The following MCC variants were observed in gnomAD, a reference collection of about 807,000 sequenced individuals.
MCC encodes MCC regulator of Wnt signaling pathway, also known as colorectal mutant cancer protein.
In MCC, 90 loss-of-function variants were observed where a neutral mutation model predicts 116.2. The ratio of observed to expected loss-of-function variants is 0.77; its 90% CI spans 0.65 to 0.92. The LOEUF (loss-of-function observed/expected upper bound fraction) is 0.92, where lower values mean the gene tolerates loss of function less well. Among genes scored for constraint, MCC ranks in the 40% least tolerant of loss-of-function variants. MCC has a pLI of 0.00. For missense variants in MCC, 1,516 were observed against 1,312.2 expected (o/e 1.16, Z -2.40); for synonymous variants, 578 against 510.5 (o/e 1.13, Z -1.78).
At chr5:113,033,524 C>T (rs915000071) in intron 17 of MCC, among the ~76,000 whole-genome samples, 2 of 152,164 alleles carry the variant, frequency 1.3e-5, no homozygotes, top group South Asian at 2.1e-4. Context: ...CTTAGCCTTT[C>T]GTTAAGATTT....
intron 1 of MCC, among the ~76,000 whole-genome samples, chr5:113,469,501 G>T (rs1772016777): frequency 6.6e-6 from 1 of 152,196 alleles, no homozygotes; most frequent in South Asian, 2.1e-4. Flanking sequence ...TTTTGAGTGA[G>T]TTTCTCAATC....
intron 6 of MCC, among the ~76,000 whole-genome samples, chr5:113,119,072 G>C (rs1023551622): frequency 6.6e-6 from 1 of 152,210 alleles, no homozygotes; most frequent in African/African-American, 2.4e-5. Flanking sequence ...CTGTGGACCT[G>C]TCTGCATCCT....
chr5:113,480,509 T>C (rs1208449766), intron 1 of MCC, among the ~76,000 whole-genome samples: 1 of 152,226 alleles, frequency 6.6e-6, no homozygotes, highest in Admixed American at 6.5e-5. Flanking sequence ...CCTTCTAAAA[T>C]GGACTAAATA....
intron 14 of MCC, among the ~76,000 whole-genome samples, chr5:113,062,827 G>C (rs936819817): frequency 2.0e-5 from 3 of 152,232 alleles, no homozygotes; most frequent in African/African-American, 7.2e-5. Flanking sequence ...GTAAATGGAA[G>C]CGCTAAGGTA....
intron 2 of MCC, among the ~76,000 whole-genome samples, chr5:113,347,381 C>T (rs1029569981): frequency 8.7e-5 from 13 of 150,052 alleles, no homozygotes; most frequent in South Asian, 2.1e-4. Context: ...GTTTTCTTTT[C>T]GTGTTTTTTT....
At chr5:113,287,553 T>C (rs4705811) in intron 3 of MCC, among the ~76,000 whole-genome samples, 22,624 of 152,048 alleles carry the variant, frequency 0.15, 2,442 homozygotes, top group Admixed American at 0.28. Context: ...TCTTGAACTC[T>C]CGACCTCATG....
intron 2 of MCC, among the ~76,000 whole-genome samples, chr5:113,342,407 C>G (rs893220445): frequency 6.6e-6 from 1 of 152,154 alleles, no homozygotes; most frequent in Non-Finnish European, 1.5e-5. Context: ...CTTTAAGGAA[C>G]TTCCATTGTT....
At chr5:113,359,969 A>T (rs1561537394) in intron 2 of MCC, among the ~76,000 whole-genome samples, 1 of 152,192 alleles carries the variant, frequency 6.6e-6, no homozygotes, top group Non-Finnish European at 1.5e-5. Flanking sequence ...AAGGCATATT[A>T]ATGGAAGCCA....
chr5:113,185,254 T>C (rs113836302), intron 3 of MCC, among the ~76,000 whole-genome samples: 157 of 151,470 alleles, frequency 1.0e-3, no homozygotes, highest in African/African-American at 3.6e-3. Context: ...GGAAGGAGAG[T>C]TGTAAATGGG....
At chr5:113,060,728 C>G (rs569322539) in intron 14 of MCC, among the ~76,000 whole-genome samples, 5 of 152,256 alleles carry the variant, frequency 3.3e-5, no homozygotes, top group African/African-American at 1.2e-4. Flanking sequence ...CTCATAGAAC[C>G]TAAAAGGTAA....
At chr5:113,368,322 T>C (rs1027164118) in intron 2 of MCC, among the ~76,000 whole-genome samples, 1 of 152,214 alleles carries the variant, frequency 6.6e-6, no homozygotes, top group Admixed American at 6.5e-5. Context: ...TTATCTTTTA[T>C]GCTAGGATAC....
At chr5:113,046,685 C>CAAAAAAAAAAAAAAAAAAAAAAAAAAAA (rs151183145) in intron 16 of MCC, among the ~76,000 whole-genome samples, 15 of 58,388 alleles carry the variant, frequency 2.6e-4, no homozygotes, top group East Asian at 9.8e-4. Context: ...ACTCAAAAGG[C>CAAAAAAAAAAAAAAAAAAAAAAAAAAAA]AAAAAAAAAA....
chr5:113,190,862 T>G (rs1762121539), intron 3 of MCC, among the ~76,000 whole-genome samples: 1 of 152,156 alleles, frequency 6.6e-6, no homozygotes, highest in South Asian at 2.1e-4. Context: ...TCTCTCAAGT[T>G]TACCATCTCT....
At chr5:113,227,633 T>C (rs567383271) in intron 3 of MCC, among the ~76,000 whole-genome samples, 1 of 152,340 alleles carries the variant, frequency 6.6e-6, no homozygotes, top group African/African-American at 2.4e-5. Flanking sequence ...TATGTTTCTA[T>C]AGACAGTAGA....
chr5:113,085,074 G>C (rs1755110906), intron 9 of MCC, 90 bp downstream of exon 9: 1 of 1,574,454 alleles, frequency 6.4e-7, no homozygotes, highest in Admixed American at 1.7e-5. Context: ...TCTCAGCTAA[G>C]GGCATGCCTG....
At chr5:113,100,573 G>A (rs777915906) in intron 8 of MCC, among the ~76,000 whole-genome samples, 3 of 139,544 alleles carry the variant, frequency 2.1e-5, no homozygotes, top group Non-Finnish European at 4.5e-5. Context: ...CCGGGTTCAA[G>A]CGATTCTCCT....
At chr5:113,090,955 G>T (rs558932370) in intron 8 of MCC, among the ~76,000 whole-genome samples, 10 of 152,350 alleles carry the variant, frequency 6.6e-5, no homozygotes, top group African/African-American at 2.4e-4. Flanking sequence ...TGGTGCCACC[G>T]CAAGCCCAGG....
rs762199321 is a variant in MCC at position 113,151,454 on chromosome 5, T to C, written c.628-32A>G. 1.8e-5 allele frequency: 22 copies of C among 1,208,666 alleles called. No homozygotes were observed. The East Asian group carries it at 2.8e-4, about 16-fold the overall frequency. 74.9% of individuals were successfully genotyped at this position (1,208,666 alleles called of 1,614,324 possible). A position where few individuals can be genotyped will look rare whatever the true frequency, so the allele number is the denominator to read the frequency against. ...TGACAGAAAGGAGGAGATTAGAGTA[T>C]TGTAGCAGAGATGTATTTCCTTCCC... On this transcript the variant is annotated intron_variant, in intron 3 of 18. Coordinates refer to ENST00000408903, the MANE Select transcript of MCC (RefSeq NM_001085377.2).
At chr5:113,049,436 G>A (rs1376976492) in intron 15 of MCC, 137 bp from the exon 16 acceptor site, 36 of 662,698 alleles carry the variant, frequency 5.4e-5, no homozygotes, top group East Asian at 3.8e-4. Context: ...GAAGTTGGCA[G>A]TAGGATGAGT....
Sources: allele counts gnomAD v4.1 joint callset (sites outside exome capture counted in the v4.1 genomes callset), GRCh38; gene constraint gnomAD v4.1.1; transcripts MANE v1.5; gene names NCBI Gene and HGNC (gene_info 2026-07-23, HGNC 2026-07-21).